The following XRCC4 variants were observed in gnomAD, a reference collection of about 807,000 sequenced individuals.
XRCC4 encodes X-ray repair cross complementing 4.
XRCC4 carries 28 observed loss-of-function variants against 39.1 expected under a neutral mutation model. The ratio of observed to expected loss-of-function variants is 0.72; its 90% CI spans 0.53 to 0.98. The LOEUF is 0.98. Among genes scored for constraint, XRCC4 ranks in the 50% least tolerant of loss-of-function variants. The probability of loss-of-function intolerance (pLI) is 0.00; values close to 1 mark genes in which losing one functional copy is unlikely to be tolerated. For synonymous variants in XRCC4, 123 were observed against 126.4 expected (o/e 0.97, Z 0.18); for missense variants, 350 against 376.4 (o/e 0.93, Z 0.58).
the XRCC4 span, among the ~76,000 whole-genome samples, chr5:83,364,384 AC>A: frequency 4.6e-5 from 7 of 152,150 alleles, no homozygotes. Context: ...ATGAGGAGAT[AC>A]TTTTTCCACC....
intron 7 of XRCC4, among the ~76,000 whole-genome samples, chr5:83,330,627 C>T (rs1756408097): frequency 6.6e-6 from 1 of 151,852 alleles, no homozygotes; most frequent in South Asian, 2.1e-4. Flanking sequence ...TTGGATATAA[C>T]TACATTGGTA....
intron 7 of XRCC4, among the ~76,000 whole-genome samples, chr5:83,316,152 G>A (rs1755875571): frequency 6.6e-6 from 1 of 151,994 alleles, no homozygotes; most frequent in Non-Finnish European, 1.5e-5. Flanking sequence ...TTGGAAATGT[G>A]GTAGAAGCAG....
intron 7 of XRCC4, among the ~76,000 whole-genome samples, chr5:83,336,397 T>C (rs1028395630): frequency 6.6e-6 from 1 of 152,184 alleles, no homozygotes; most frequent in African/African-American, 2.4e-5. Flanking sequence ...TTTTAATTTC[T>C]GTTTATGCTT....
chr5:83,313,347 A>G (rs1223176921), intron 7 of XRCC4, among the ~76,000 whole-genome samples: 2 of 152,128 alleles, frequency 1.3e-5, no homozygotes, highest in Non-Finnish European at 2.9e-5. Context: ...ATCTTCTAAT[A>G]GACAACACAT....
chr5:83,111,105 G>C lies in XRCC4; in HGVS notation c.217G>C (p.Ala73Pro). The change falls in exon 3 of 8, where the codon GCA becomes CCA. Residue 73 changes from alanine (A) to proline (P), a missense_variant. Physicochemically the swap from Ala to Pro is conservative, Grantham distance 27 (BLOSUM62 -1). Transcript: ENST00000396027. The part of the protein sequence containing the change: ...KGKYVGELRK[A>P]LLSGAGPADV... Reference sequence around the variant, plus strand: ...GAAATATGTTGGTGAACTGAGAAAAGCATTGTTGTCAGGAGCAGGACCAGC... The same window carrying C: ...GAAATATGTTGGTGAACTGAGAAAACCATTGTTGTCAGGAGCAGGACCAGC... The C allele has an allele frequency of 1.9e-6, 3 of 1,611,882 alleles. No individual in the cohort carries two copies. In the South Asian group the frequency reaches 3.3e-5, roughly 18 times the overall value.
intron 7 of XRCC4, among the ~76,000 whole-genome samples, chr5:83,283,381 C>G (rs1754617691): frequency 6.6e-6 from 1 of 152,178 alleles, no homozygotes; most frequent in African/African-American, 2.4e-5. Flanking sequence ...ATTCTCATTT[C>G]TTCCATTTAT....
chr5:83,115,472 G>A (rs1433933841), intron 3 of XRCC4, among the ~76,000 whole-genome samples: 3 of 152,066 alleles, frequency 2.0e-5, no homozygotes, highest in Non-Finnish European at 2.9e-5. Flanking sequence ...ATGAGATTTG[G>A]GTGGGGACAC....
intron 6 of XRCC4, among the ~76,000 whole-genome samples, chr5:83,241,618 T>C (rs1326770326): frequency 6.6e-6 from 1 of 152,160 alleles, no homozygotes; most frequent in African/African-American, 2.4e-5. Context: ...GTACAGTTGA[T>C]CCTTGTACAA....
intron 7 of XRCC4, among the ~76,000 whole-genome samples, chr5:83,272,964 A>G (rs1404623292): frequency 6.6e-6 from 1 of 152,142 alleles, no homozygotes; most frequent in African/African-American, 2.4e-5. Flanking sequence ...GCTGGGTCAA[A>G]TGGTATTTCT....
At chr5:83,234,742 T>C (rs1752623800) in intron 6 of XRCC4, among the ~76,000 whole-genome samples, 1 of 152,064 alleles carries the variant, frequency 6.6e-6, no homozygotes, top group South Asian at 2.1e-4. Context: ...TGCTAAGGGA[T>C]TGAGGGGACT....
chr5:83,279,721 T>A (rs1754469677), intron 7 of XRCC4, among the ~76,000 whole-genome samples: 1 of 152,200 alleles, frequency 6.6e-6, no homozygotes, highest in African/African-American at 2.4e-5. Context: ...TGGCATCCCA[T>A]TATTGTAAAT....
chr5:83,221,930 G>T (rs1310904455), intron 6 of XRCC4, among the ~76,000 whole-genome samples: 2 of 151,488 alleles, frequency 1.3e-5, no homozygotes, highest in Non-Finnish European at 3.0e-5. Flanking sequence ...AATATCTCTC[G>T]TTATCTTTCG....
chr5:83,158,520 G>A (rs1353448074), intron 3 of XRCC4, among the ~76,000 whole-genome samples: 1 of 152,042 alleles, frequency 6.6e-6, no homozygotes, highest in Non-Finnish European at 1.5e-5. Flanking sequence ...TAAATAAATA[G>A]CAGTTATTGA....
chr5:83,208,708 A>G (rs572470425), intron 6 of XRCC4, among the ~76,000 whole-genome samples: 1 of 152,160 alleles, frequency 6.6e-6, no homozygotes, highest in African/African-American at 2.4e-5. Context: ...TTTCTTGGCT[A>G]AAAGGAAATC....
intron 1 of XRCC4, among the ~76,000 whole-genome samples, chr5:83,099,220 C>T (rs1745813845): frequency 6.6e-6 from 1 of 152,180 alleles, no homozygotes; most frequent in Admixed American, 6.5e-5. Flanking sequence ...TAGAAACATG[C>T]ATTTAGCACT....
At chr5:83,362,767 T>C in the XRCC4 span, among the ~76,000 whole-genome samples, 2 of 152,186 alleles carry the variant, frequency 1.3e-5, no homozygotes, top group Non-Finnish European at 2.9e-5. Context: ...GGCAAACCAA[T>C]GTATTATTTC....
intron 7 of XRCC4, among the ~76,000 whole-genome samples, chr5:83,299,443 C>G (rs1755201445): frequency 6.6e-6 from 1 of 152,066 alleles, no homozygotes; most frequent in South Asian, 2.1e-4. Flanking sequence ...TGAAATTCAT[C>G]AGTTCTGAAA....
At chr5:83,183,784 G>A (rs1047333202) in intron 3 of XRCC4, among the ~76,000 whole-genome samples, 3 of 151,978 alleles carry the variant, frequency 2.0e-5, no homozygotes, top group African/African-American at 7.3e-5. Flanking sequence ...TCAATTAAAC[G>A]CATGGTTACC....
intron 7 of XRCC4, among the ~76,000 whole-genome samples, chr5:83,305,598 T>C (rs925941610): frequency 2.6e-5 from 4 of 152,138 alleles, no homozygotes; most frequent in African/African-American, 9.7e-5. Flanking sequence ...TGGCCCATGA[T>C]ATTAACTTAG....
Sources: gnomAD v4.1 joint callset for allele counts (sites outside exome capture counted in the v4.1 genomes callset) on GRCh38, gnomAD v4.1.1 for gene constraint, MANE v1.5 for transcripts, NCBI Gene and HGNC (gene_info 2026-07-23, HGNC 2026-07-21) for gene names.